Variants in MAP3K13 observed in about 807,000 individuals in gnomAD.
The protein encoded by MAP3K13 is leucine zipper-bearing kinase.
MAP3K13 carries 52 observed loss-of-function variants against 104.0 expected under a neutral mutation model. The observed-to-expected ratio is 0.50, with a 90% CI of 0.40 to 0.63. The LOEUF is 0.63. Ranked by LOEUF, MAP3K13 falls within the 20% of genes least tolerant of loss-of-function variation. The pLI is 0.00. For synonymous variants in MAP3K13, 394 were observed against 442.2 expected (o/e 0.89, Z 1.37); for missense variants, 914 against 1,218.5 (o/e 0.75, Z 3.72).
chr3:185,348,790 G>A (rs1199938312), intron 2 of MAP3K13, among the ~76,000 whole-genome samples: 4 of 152,076 alleles, frequency 2.6e-5, no homozygotes, highest in Admixed American at 6.5e-5. Flanking sequence ...GGTGGCGGGC[G>A]CCTGTAGTCC....
chr3:185,456,316 G>A (rs1716741325), intron 7 of MAP3K13, among the ~76,000 whole-genome samples: 1 of 152,068 alleles, frequency 6.6e-6, no homozygotes, highest in Admixed American at 6.6e-5. Flanking sequence ...AAATTATTAT[G>A]TAAGTAAAGT....
rs66889332 is a variant in MAP3K13, at chr3:185,309,512, CAA to C, written c.-86+23886_-86+23887del. On this transcript the variant is annotated intron_variant, in intron 2 of 14. Transcript: ENST00000424227. ...GGTGACAAAGCGAGACCTTGTCTCA[CAA>C]AAAAAAAAAAAAAAAAGAAAGAAAA... 5.3e-3 allele frequency among the ~76,000 whole-genome samples: 564 copies of C among 105,670 alleles called. 1 individual carries two copies. The highest frequency in any genetic ancestry group is 0.014 in the African/African-American group (402 of 28,834). 69.3% of individuals were successfully genotyped at this position (105,670 alleles called of 152,430 possible).
At chr3:185,289,917 A>G (rs1363698830) in intron 2 of MAP3K13, among the ~76,000 whole-genome samples, 1 of 152,196 alleles carries the variant, frequency 6.6e-6, no homozygotes, top group Non-Finnish European at 1.5e-5. Flanking sequence ...TGTATAGTGG[A>G]AAGAGCGCAA....
intron 1 of MAP3K13, among the ~76,000 whole-genome samples, chr3:185,383,987 C>A (rs574364673): frequency 1.3e-5 from 2 of 152,126 alleles, no homozygotes; most frequent in African/African-American, 4.8e-5. Context: ...TTGAAATATA[C>A]AATAAATTGT....
intron 1 of MAP3K13, among the ~76,000 whole-genome samples, chr3:185,384,052 C>T (rs1487088591): frequency 6.6e-6 from 1 of 152,168 alleles, no homozygotes; most frequent in Admixed American, 6.5e-5. Context: ...ATTCCTTCTT[C>T]GTAACAGTAT....
intron 1 of MAP3K13, among the ~76,000 whole-genome samples, chr3:185,411,603 G>A (rs1713449504): frequency 6.6e-6 from 1 of 152,022 alleles, no homozygotes; most frequent in South Asian, 2.1e-4. Context: ...CATTTCAGAA[G>A]GATTCTTCAT....
chr3:185,374,396 G>T (rs2108752666), intron 1 of MAP3K13, among the ~76,000 whole-genome samples: 1 of 152,248 alleles, frequency 6.6e-6, no homozygotes, highest in East Asian at 1.9e-4. Flanking sequence ...GAGTGGGAGA[G>T]ATTAAGCTGA....
At chr3:185,392,447 G>C (rs4074644) in intron 1 of MAP3K13, among the ~76,000 whole-genome samples, 1 of 152,116 alleles carries the variant, frequency 6.6e-6, no homozygotes. Context: ...GCAAGAATTG[G>C]GAGAAGAGAG....
chr3:185,454,638 A>ATATATATAT (rs1716224375), intron 7 of MAP3K13, among the ~76,000 whole-genome samples: 1 of 49,856 alleles, frequency 2.0e-5, no homozygotes, highest in Non-Finnish European at 3.9e-5. Flanking sequence ...TATATATATG[A>ATATATATAT]GATATATATA....
chr3:185,292,587 C>A (rs1407461015), intron 2 of MAP3K13: 15 of 891,712 alleles, frequency 1.7e-5, no homozygotes, highest in Non-Finnish European at 2.0e-5. Context: ...AAATAATGTA[C>A]ATGAAAAGAC....
intron 1 of MAP3K13, among the ~76,000 whole-genome samples, chr3:185,410,539 G>A (rs989392022): frequency 3.9e-5 from 6 of 152,128 alleles, no homozygotes; most frequent in Non-Finnish European, 8.8e-5. Flanking sequence ...TCAAGATGAT[G>A]TATATGCTAA....
At chr3:185,413,930 C>A (rs781731539) in intron 1 of MAP3K13, among the ~76,000 whole-genome samples, 1 of 152,160 alleles carries the variant, frequency 6.6e-6, no homozygotes, top group Non-Finnish European at 1.5e-5. Context: ...AGAATTCATA[C>A]CTTTCATCCA....
chr3:185,448,630 G>C (rs892048548), intron 5 of MAP3K13, among the ~76,000 whole-genome samples: 18 of 152,046 alleles, frequency 1.2e-4, no homozygotes, highest in Admixed American at 7.9e-4. Context: ...AGAAATGTGG[G>C]GTCATTCGTA....
intron 2 of MAP3K13, among the ~76,000 whole-genome samples, chr3:185,430,450 C>G (rs1034696451): frequency 2.0e-5 from 3 of 152,070 alleles, no homozygotes; most frequent in East Asian, 1.9e-4. Flanking sequence ...CTTTCTCCCC[C>G]CACCCTCCAC....
chr3:185,482,015 C>T lies in MAP3K13; in HGVS notation c.2800-340C>T, dbSNP rs1284504715. Reference sequence around the variant, plus strand: ...AGGAGAATCGCTTGAATCCGGGAGGCGGAGGTTGCAGCGAGCCAAGATCGT... The same window carrying T: ...AGGAGAATCGCTTGAATCCGGGAGGTGGAGGTTGCAGCGAGCCAAGATCGT... On this transcript the variant is annotated intron_variant, in intron 13 of 13. Coordinates refer to ENST00000265026, the MANE Select transcript of MAP3K13 (RefSeq NM_004721.5). The surrounding 1 kb of genome is among the most constrained non-coding windows in gnomAD (Gnocchi z 4.5). Among the ~76,000 whole-genome samples, 1 of 152,118 alleles carries T rather than the reference C, an allele frequency of 6.6e-6. No homozygotes were observed. Among genetic ancestry groups the T allele is most frequent in the Non-Finnish European group, 1.5e-5 (1 of 68,016 alleles).
At chr3:185,456,686 C>T (rs563880008) in intron 7 of MAP3K13, among the ~76,000 whole-genome samples, 1 of 147,880 alleles carries the variant, frequency 6.8e-6, no homozygotes, top group South Asian at 2.1e-4. Flanking sequence ...ACTGCAGCCT[C>T]CACCTCCCGA....
chr3:185,450,125 G>A lies in MAP3K13; in HGVS notation c.1169+67G>A. On this transcript the variant is annotated intron_variant, in intron 6 of 13. Coordinates refer to ENST00000265026, the MANE Select transcript of MAP3K13 (RefSeq NM_004721.5). The surrounding 1 kb of genome is among the most constrained non-coding windows in gnomAD (Gnocchi z 4.2). ...TGTATTTGGAGTAAATATCCTGGTG[G>A]TGGAAAGAATAGGAGCTTTGGAGTA... 1 of 1,423,398 alleles carries A rather than the reference G, an allele frequency of 7.0e-7. No homozygotes were observed. Among genetic ancestry groups the A allele is most frequent in the Non-Finnish European group, 9.4e-7 (1 of 1,066,494 alleles). 88.2% of individuals were successfully genotyped at this position (1,423,398 alleles called of 1,614,324 possible). A position where few individuals can be genotyped will look rare whatever the true frequency, so the allele number is the denominator to read the frequency against.
intron 2 of MAP3K13, among the ~76,000 whole-genome samples, chr3:185,433,503 T>G (rs150437782): frequency 3.3e-5 from 5 of 152,362 alleles, no homozygotes; most frequent in Admixed American, 6.5e-5. Context: ...TTCTGCCATT[T>G]TCCCATTTCT....
Position 185,437,482 on chromosome 3 carries a change from C to T in MAP3K13, c.511C>T (p.Leu171=). 6.2e-7 allele frequency: 1 copy of T among 1,613,798 alleles called. No individual in the cohort carries two copies. The highest frequency in any genetic ancestry group is 8.5e-7 in the Non-Finnish European group (1 of 1,179,932). ...WEVPFEEISE[L]QWLGSGAQGA... ...AGTGCCATTTGAGGAGATCTCAGAG[C>T]TGCAGTGGCTGGGTAGTGGAGCCCA... is the stretch of plus-strand genomic sequence containing the variant. The change falls in exon 3 of 14, where the codon CTG becomes TTG. Residue 171 remains leucine (L), a synonymous_variant. Transcript: ENST00000265026.
Sources: allele counts gnomAD v4.1 joint callset (sites outside exome capture counted in the v4.1 genomes callset), GRCh38; gene constraint gnomAD v4.1.1; non-coding constraint Gnocchi (gnomAD v3.1); transcripts MANE v1.5; gene names NCBI Gene and HGNC (gene_info 2026-07-23, HGNC 2026-07-21).